GFRA2: variants seen among roughly 807,000 people sequenced by gnomAD.
GFRA2 encodes the protein GDNF family receptor alpha 2, also known as GDNF family receptor alpha-2.
A neutral mutation model predicts 48.3 loss-of-function variants in GFRA2; 17 were observed. The observed-to-expected ratio is 0.35, with a 90% confidence interval of 0.24 to 0.53. The LOEUF is 0.53. GFRA2 is among the 20% of genes least tolerant of loss of function. The pLI, the probability that GFRA2 is intolerant of heterozygous loss-of-function variation, is 0.93. For synonymous variants in GFRA2, 305 were observed against 257.2 expected, an observed-to-expected ratio of 1.19 and a Z score of -1.78; for missense variants, 660 against 637.3, an observed-to-expected ratio of 1.04 and a Z score of -0.38.
At position 21,725,387 on chromosome 8, in the gene GFRA2, A is replaced by G. The variant is rs370969140; in HGVS notation, c.795-19346T>C. Among the ~76,000 whole-genome samples the G allele has an allele frequency of 1.2e-4, 18 of 152,322 alleles. No individual in the cohort carries two copies. The East Asian group carries it at 3.5e-3, about 29-fold the overall frequency. On this transcript the variant is annotated intron_variant, in intron 4 of 8. Transcript: ENST00000524240. ...AGGCCAGGGCAGAAGCCCTTTACAGAAGCCCAGTGAATGCCCAGCCTGGGG... is the reference window on the plus strand; with the variant it reads ...AGGCCAGGGCAGAAGCCCTTTACAGGAGCCCAGTGAATGCCCAGCCTGGGG...
chr8:21,749,254 A>T (rs530488259), intron 4 of GFRA2, among the ~76,000 whole-genome samples: 2 of 151,836 alleles, frequency 1.3e-5, no homozygotes, highest in African/African-American at 4.8e-5. Context: ...AAAAAAAAAA[A>T]CTACCTTCCT....
intron 4 of GFRA2, among the ~76,000 whole-genome samples, chr8:21,749,402 C>T (rs1005290680): frequency 4.6e-5 from 7 of 151,836 alleles, no homozygotes; most frequent in East Asian, 2.0e-4. Flanking sequence ...GGTGAAGGGA[C>T]GGAAGGTCAG....
At chr8:21,711,682 GTTTTTCTTTTT>G (rs1803035662) in intron 4 of GFRA2, among the ~76,000 whole-genome samples, 1 of 142,570 alleles carries the variant, frequency 7.0e-6, no homozygotes, top group Admixed American at 6.8e-5. Flanking sequence ...ACGCTAAACA[GTTTTTCTTTTT>G]TTTTTTTTTT....
intron 1 of GFRA2, chr8:21,784,233 A>G (rs1380855880): frequency 1.1e-5 from 5 of 453,176 alleles, no homozygotes; most frequent in Non-Finnish European, 2.2e-5. Context: ...TCCTCCAGAC[A>G]CAGACATCGT....
At position 21,706,047 on chromosome 8, in the gene GFRA2, G is replaced by T. The variant is rs765625029; in HGVS notation, c.795-6C>A. On this transcript the variant is annotated splice_polypyrimidine_tract_variant and splice_region_variant and intron_variant, in intron 4 of 8. Transcript: ENST00000524240. ...GGAAGTCGGCCAGCCGGGACCTGGT[G>T]GTGGGTAGAAGACGCAATAGAGAAA... 4 of 1,550,552 alleles carry T rather than the reference G, an allele frequency of 2.6e-6. No individual in the cohort carries two copies. In the South Asian group the frequency reaches 4.7e-5, roughly 18 times the overall value.
intron 3 of GFRA2, chr8:21,769,175 G>A (rs1044668919): frequency 1.7e-5 from 17 of 984,734 alleles, no homozygotes; most frequent in African/African-American, 1.6e-4. Flanking sequence ...GTGGTTGACC[G>A]TCTCCGGAAC....
intron 7 of GFRA2, among the ~76,000 whole-genome samples, chr8:21,698,139 G>A (rs1802301764): frequency 6.6e-6 from 1 of 152,172 alleles, no homozygotes; most frequent in South Asian, 2.1e-4. Context: ...GGCATCTGTG[G>A]CTCCAGTCCA....
intron 4 of GFRA2, among the ~76,000 whole-genome samples, chr8:21,721,408 T>C (rs940194246): frequency 7.2e-5 from 11 of 152,122 alleles, no homozygotes; most frequent in African/African-American, 2.7e-4. Flanking sequence ...CATGAAGAAG[T>C]GCCTTGGGGA....
At chr8:21,749,729 A>C (rs1805184565) in intron 4 of GFRA2, among the ~76,000 whole-genome samples, 1 of 150,456 alleles carries the variant, frequency 6.6e-6, no homozygotes, top group African/African-American at 2.4e-5. Context: ...GATCCAGTCT[A>C]GTTTCAGGGT....
At chr8:21,707,106 G>C (rs1802786595) in intron 4 of GFRA2, among the ~76,000 whole-genome samples, 2 of 152,170 alleles carry the variant, frequency 1.3e-5, no homozygotes, top group African/African-American at 4.8e-5. Flanking sequence ...CTAGTAATAA[G>C]GTCTGTTCAC....
intron 4 of GFRA2, among the ~76,000 whole-genome samples, chr8:21,729,905 G>T (rs907450080): frequency 6.6e-6 from 1 of 152,080 alleles, no homozygotes; most frequent in Non-Finnish European, 1.5e-5. Context: ...ATACTAAACC[G>T]AACAGCTGGT....
chr8:21,727,290 A>T (rs1182643394), intron 4 of GFRA2, among the ~76,000 whole-genome samples: 3 of 152,064 alleles, frequency 2.0e-5, no homozygotes, highest in African/African-American at 7.2e-5. Context: ...CTCTGTTGCC[A>T]TCTGGAGCTG....
chr8:21,707,453 C>T (rs1157628247), intron 4 of GFRA2, among the ~76,000 whole-genome samples: 2 of 152,258 alleles, frequency 1.3e-5, no homozygotes, highest in South Asian at 4.1e-4. Context: ...GCTGAGGGGG[C>T]CCCCACCATG....
At chr8:21,729,555 C>G (rs760811026) in intron 4 of GFRA2, among the ~76,000 whole-genome samples, 1 of 152,186 alleles carries the variant, frequency 6.6e-6, no homozygotes, top group African/African-American at 2.4e-5. Flanking sequence ...GCAGAGAAAA[C>G]TGGGCTTCAC....
At chr8:21,773,272 G>C (rs1806523694) in intron 3 of GFRA2, among the ~76,000 whole-genome samples, 1 of 152,212 alleles carries the variant, frequency 6.6e-6, no homozygotes, top group Non-Finnish European at 1.5e-5. Context: ...CAGAGCCTCT[G>C]TATGACCCCA....
chr8:21,797,258 CCTTT>C (rs775593631), intron 2 of GFRA2, among the ~76,000 whole-genome samples: 1,756 of 148,720 alleles, frequency 0.012, 47 homozygotes, highest in East Asian at 0.11. Context: ...AATTGAGTGG[CCTTT>C]CTTTCTTTTT....
intron 3 of GFRA2, among the ~76,000 whole-genome samples, chr8:21,772,118 G>C (rs1283708696): frequency 2.0e-5 from 3 of 152,142 alleles, no homozygotes; most frequent in African/African-American, 7.2e-5. Flanking sequence ...ATGGGACAAA[G>C]GTTGGGAAGC....
chr8:21,749,263 C>T (rs1420967987), intron 4 of GFRA2, among the ~76,000 whole-genome samples: 1 of 151,978 alleles, frequency 6.6e-6, no homozygotes. Context: ...AACTACCTTC[C>T]TAATAATGAG....
chr8:21,712,456 G>A (rs566579331), intron 4 of GFRA2, among the ~76,000 whole-genome samples: 102 of 151,986 alleles, frequency 6.7e-4, no homozygotes, highest in South Asian at 3.1e-3. Flanking sequence ...GATGGTGGCC[G>A]GGAAGAGGCG....
Sources: gnomAD v4.1 joint callset for allele counts (sites outside exome capture counted in the v4.1 genomes callset) on GRCh38, gnomAD v4.1.1 for gene constraint, MANE v1.5 for transcripts, NCBI Gene and HGNC (gene_info 2026-07-23, HGNC 2026-07-21) for gene names.